Variants in GXYLT2 observed in about 807,000 individuals in gnomAD.
GXYLT2 encodes the protein glucoside xylosyltransferase 2.
A neutral mutation model predicts 45.8 loss-of-function variants in GXYLT2; 53 were observed. The ratio of observed to expected loss-of-function variants is 1.16; its 90% CI spans 0.93 to 1.46. The LOEUF is 1.46. Ranked by LOEUF, GXYLT2 falls within the 40% of genes most tolerant of loss-of-function variation. GXYLT2 has a pLI of 0.00. For missense variants in GXYLT2, 551 were observed against 544.4 expected (o/e 1.01, Z -0.12); for synonymous variants, 219 against 214.2 (o/e 1.02, Z -0.19).
chr3:72,971,817 C>T (rs1485814343), intron 6 of GXYLT2, among the ~76,000 whole-genome samples: 1 of 149,272 alleles, frequency 6.7e-6, no homozygotes, highest in African/African-American at 2.4e-5. Flanking sequence ...GGCGTGGTGG[C>T]GCATGCCTGT....
intron 5 of GXYLT2, among the ~76,000 whole-genome samples, chr3:72,964,485 G>A: frequency 6.6e-6 from 1 of 151,942 alleles, no homozygotes. Flanking sequence ...ATCATGCCTG[G>A]CTAATTTTTG....
chr3:72,937,740 C>T (rs1710218973), intron 3 of GXYLT2, among the ~76,000 whole-genome samples: 1 of 152,106 alleles, frequency 6.6e-6, no homozygotes, highest in Non-Finnish European at 1.5e-5. Flanking sequence ...GGAAAATTCC[C>T]CTGAACCTTC....
At chr3:72,928,998 C>T in intron 3 of GXYLT2, 3 of 1,210,840 alleles carry the variant, frequency 2.5e-6, no homozygotes, top group Non-Finnish European at 3.6e-6. Flanking sequence ...CCCGCCGCCG[C>T]TCCAGCGCCG....
At chr3:72,936,162 G>C (rs1575800189) in intron 3 of GXYLT2, among the ~76,000 whole-genome samples, 1 of 152,020 alleles carries the variant, frequency 6.6e-6, no homozygotes, top group Non-Finnish European at 1.5e-5. Context: ...GTGGTGGCAC[G>C]CGCCTGTAGT....
intron 3 of GXYLT2, among the ~76,000 whole-genome samples, chr3:72,932,078 T>C (rs1710048217): frequency 6.6e-6 from 1 of 152,108 alleles, no homozygotes; most frequent in African/African-American, 2.4e-5. Flanking sequence ...AACTTTTTTT[T>C]TTTTTTTGAG....
chr3:72,934,080 CTTTTTT>C (rs375690427), intron 3 of GXYLT2, among the ~76,000 whole-genome samples: 3 of 121,056 alleles, frequency 2.5e-5, no homozygotes, highest in Admixed American at 8.7e-5. Context: ...TAATTTTATT[CTTTTTT>C]TTTTTTTTTT....
chr3:72,903,462 C>T (rs938992424), intron 1 of GXYLT2, among the ~76,000 whole-genome samples: 1 of 152,114 alleles, frequency 6.6e-6, no homozygotes, highest in Non-Finnish European at 1.5e-5. Context: ...GAGATTTGAG[C>T]TCAGATCCCT....
At chr3:72,934,872 A>G (rs1710148130) in intron 3 of GXYLT2, among the ~76,000 whole-genome samples, 1 of 152,214 alleles carries the variant, frequency 6.6e-6, no homozygotes, top group Non-Finnish European at 1.5e-5. Flanking sequence ...AATTACAGAG[A>G]TTTGGAAGCA....
chr3:72,915,354 T>TTG (rs71126805), intron 2 of GXYLT2, among the ~76,000 whole-genome samples: 195 of 33,386 alleles, frequency 5.8e-3, no homozygotes, highest in Non-Finnish European at 7.8e-3. Flanking sequence ...TTTTTTTTTT[T>TTG]GCGGGGGGGG....
At chr3:72,916,200 G>A (rs550875858) in intron 2 of GXYLT2, among the ~76,000 whole-genome samples, 33 of 150,406 alleles carry the variant, frequency 2.2e-4, no homozygotes, top group African/African-American at 6.9e-4. Flanking sequence ...TTGCATCTGC[G>A]TTCACTGATG....
At chr3:72,902,368 CA>C (rs1376990908) in intron 1 of GXYLT2, among the ~76,000 whole-genome samples, 2 of 151,092 alleles carry the variant, frequency 1.3e-5, no homozygotes, top group Non-Finnish European at 2.9e-5. Flanking sequence ...AACTTTATAT[CA>C]GAAAGCCAGA....
At chr3:72,969,283 C>T (rs1448095099) in intron 6 of GXYLT2, among the ~76,000 whole-genome samples, 1 of 151,206 alleles carries the variant, frequency 6.6e-6, no homozygotes, top group Non-Finnish European at 1.5e-5. Context: ...ATCTGAGTGA[C>T]TTGGGAGGCT....
intron 1 of GXYLT2, among the ~76,000 whole-genome samples, chr3:72,891,049 G>A (rs1323826416): frequency 1.3e-5 from 2 of 152,038 alleles, no homozygotes; most frequent in Non-Finnish European, 1.5e-5. Context: ...ATCTCTGCTC[G>A]GTCTCCTTTA....
intron 1 of GXYLT2, among the ~76,000 whole-genome samples, chr3:72,894,971 G>T (rs551368178): frequency 1.3e-5 from 2 of 152,280 alleles, no homozygotes; most frequent in South Asian, 4.1e-4. Flanking sequence ...AAAACGCCAG[G>T]TCTCGTTTGC....
intron 1 of GXYLT2, among the ~76,000 whole-genome samples, chr3:72,894,626 G>C (rs1018694513): frequency 6.6e-6 from 1 of 152,216 alleles, no homozygotes; most frequent in Non-Finnish European, 1.5e-5. Flanking sequence ...TCCTGGAGTG[G>C]CCAACCCAGA....
chr3:72,916,967 TGAAAA>T (rs1469406175), intron 2 of GXYLT2, among the ~76,000 whole-genome samples: 1 of 152,010 alleles, frequency 6.6e-6, no homozygotes, highest in Non-Finnish European at 1.5e-5. Flanking sequence ...TTTTATAACT[TGAAAA>T]GAATGAATGA....
At chr3:72,907,199 C>G (rs1046316619) in intron 1 of GXYLT2, among the ~76,000 whole-genome samples, 7 of 152,224 alleles carry the variant, frequency 4.6e-5, no homozygotes, top group South Asian at 2.1e-4. Context: ...CCAAGTAACT[C>G]TCCGCATCTG....
chr3:72,921,946 G>A (rs1709839756), intron 2 of GXYLT2, among the ~76,000 whole-genome samples: 1 of 152,082 alleles, frequency 6.6e-6, no homozygotes, highest in Non-Finnish European at 1.5e-5. Flanking sequence ...TTAACCTTTT[G>A]GAAGTTTGTT....
Position 72,922,329 on chromosome 3 carries a change from T to C in GXYLT2, c.594T>C (p.Phe198=). ...AACCCTGTGCTGCCCAGAGACTCTT[T>C]CTTCCGGTAGGAACACCTGTTTTTA... ...LFKPCAAQRL[F]LPVILKDVDS... Residue 198 remains phenylalanine, a synonymous_variant, in exon 3 of 7, where the codon TTT becomes TTC. Coordinates refer to ENST00000389617, the MANE Select transcript of GXYLT2 (RefSeq NM_001080393.2). 1 of 1,611,174 alleles carries C rather than the reference T, an allele frequency of 6.2e-7. No individual in the cohort carries two copies. The highest frequency in any genetic ancestry group is 8.5e-7 in the Non-Finnish European group (1 of 1,179,182).
Sources: gnomAD v4.1 joint callset for allele counts (sites outside exome capture counted in the v4.1 genomes callset) on GRCh38, gnomAD v4.1.1 for gene constraint, MANE v1.5 for transcripts, NCBI Gene and HGNC (gene_info 2026-07-23, HGNC 2026-07-21) for gene names.